Variants in NEO1 observed in about 807,000 individuals in gnomAD.
The protein encoded by NEO1 is neogenin.
A neutral mutation model predicts 159.7 loss-of-function variants in NEO1; 63 were observed. The observed-to-expected ratio is 0.39, with a 90% CI of 0.32 to 0.49. NEO1 has a LOEUF of 0.49. Ranked by LOEUF, NEO1 falls within the 20% of genes least tolerant of loss-of-function variation. NEO1 has a pLI of 0.85. For synonymous variants in NEO1, 633 were observed against 662.0 expected, an observed-to-expected ratio of 0.96 and a Z score of 0.67; for missense variants, 1,615 against 1,831.0, an observed-to-expected ratio of 0.88 and a Z score of 2.15.
rs1388758303 is a variant in NEO1, at chr15:73,122,623, G to T, written c.547G>T (p.Val183Leu). The stretch of plus-strand genomic sequence containing the variant: ...AGTTAATGCAGATTTGGTCCCATTT[G>T]TGAGGTGGGAACAGAACAGACAACC... ...CEVNADLVPFVRWEQNRQPLL... is the reference protein window; with the variant it reads ...CEVNADLVPFLRWEQNRQPLL... Residue 183 changes from valine to leucine, a missense_variant, in exon 3 of 29, where the codon GTG becomes TTG. Physicochemically the swap from Val to Leu is conservative, Grantham distance 32. Transcript: ENST00000261908. 6 of 1,614,190 alleles carry T rather than the reference G, an allele frequency of 3.7e-6. No homozygotes were observed.
intron 1 of NEO1, among the ~76,000 whole-genome samples, chr15:73,096,539 A>G (rs1410535381): frequency 6.6e-6 from 1 of 152,222 alleles, no homozygotes; most frequent in Non-Finnish European, 1.5e-5. Context: ...TGGCCAAGGC[A>G]TATTGCTTAT....
At chr15:73,130,876 G>T (rs2031026738) in intron 4 of NEO1, among the ~76,000 whole-genome samples, 2 of 152,332 alleles carry the variant, frequency 1.3e-5, no homozygotes, top group East Asian at 3.9e-4. Context: ...GACCATGTGG[G>T]GGAACAATAA....
chr15:73,185,998 C>T (rs1254689764), intron 7 of NEO1, among the ~76,000 whole-genome samples: 1 of 151,642 alleles, frequency 6.6e-6, no homozygotes, highest in Non-Finnish European at 1.5e-5. Context: ...AAACTAAATA[C>T]CATGATGATG....
chr15:73,180,546 G>A (rs1479340), intron 7 of NEO1, among the ~76,000 whole-genome samples: 54,493 of 151,848 alleles, frequency 0.36, 10,560 homozygotes, highest in Admixed American at 0.47. Context: ...AGTAAACCTC[G>A]TAGCTATTTG....
chr15:73,069,519 G>A (rs910755833), intron 1 of NEO1, among the ~76,000 whole-genome samples: 7 of 151,512 alleles, frequency 4.6e-5, no homozygotes, highest in African/African-American at 1.7e-4. Flanking sequence ...ATTGATAATA[G>A]TTTTTATATC....
chr15:73,087,593 T>C lies in NEO1; in HGVS notation c.131-28947T>C, dbSNP rs555613519. Among the ~76,000 whole-genome samples, 21 of 152,292 alleles carry C rather than the reference T, an allele frequency of 1.4e-4. No homozygotes were observed. In the South Asian group the frequency reaches 4.1e-3, roughly 30 times the overall value. The stretch of plus-strand genomic sequence containing the variant: ...GAATGTTATTTCTTCTTTAACTGTT[T>C]AGTAGAATTTAATACTGAGATGAAA... On this transcript the variant is annotated intron_variant, in intron 1 of 28. Transcript: ENST00000261908.
At chr15:73,263,529 AATATTT>A (rs1345430201) in intron 15 of NEO1, among the ~76,000 whole-genome samples, 3 of 151,980 alleles carry the variant, frequency 2.0e-5, no homozygotes, top group Non-Finnish European at 4.4e-5. Flanking sequence ...GAATTTGAGA[AATATTT>A]ATATTTTATA....
At chr15:73,175,771 T>C (rs548223084) in intron 5 of NEO1, among the ~76,000 whole-genome samples, 1 of 152,334 alleles carries the variant, frequency 6.6e-6, no homozygotes, top group East Asian at 1.9e-4. Context: ...ATTAAAAATA[T>C]TATGATCTAT....
chr15:73,275,481 C>G (rs2041368977), intron 21 of NEO1, among the ~76,000 whole-genome samples: 1 of 151,954 alleles, frequency 6.6e-6, no homozygotes, highest in African/African-American at 2.4e-5. Context: ...GAGACCCCCT[C>G]TCTACAAAAA....
chr15:73,139,586 A>G (rs917978819), intron 5 of NEO1, among the ~76,000 whole-genome samples: 37 of 152,236 alleles, frequency 2.4e-4, no homozygotes, highest in African/African-American at 8.0e-4. Flanking sequence ...AGAGATCTTT[A>G]TCTAGACCCG....
At chr15:73,095,588 A>C (rs2069973888) in intron 1 of NEO1, among the ~76,000 whole-genome samples, 1 of 152,046 alleles carries the variant, frequency 6.6e-6, no homozygotes, top group South Asian at 2.1e-4. Flanking sequence ...AAAGATGTTT[A>C]ATTTTTTTCC....
chr15:73,217,604 A>T (rs1372413133), intron 7 of NEO1, among the ~76,000 whole-genome samples: 1 of 152,190 alleles, frequency 6.6e-6, no homozygotes, highest in African/African-American at 2.4e-5. Context: ...CTTCTATTTC[A>T]TTGAGCAGTG....
At chr15:73,296,923 C>T (rs545763197) in intron 26 of NEO1, among the ~76,000 whole-genome samples, 69 of 152,292 alleles carry the variant, frequency 4.5e-4, no homozygotes, top group South Asian at 1.0e-3. Flanking sequence ...AATTTTTGGA[C>T]AGCAGTTGGC....
rs1567534675 is a variant in NEO1, at chr15:73,225,458, C to T, written c.1292-10889C>T. On this transcript the variant is annotated intron_variant, in intron 7 of 28. Coordinates refer to ENST00000261908, the MANE Select transcript of NEO1 (RefSeq NM_002499.4). Reference sequence around the variant, plus strand: ...GCTAGATGGTGTCTGAGCTCAGACTCTCCTTGGGCGCGTCTCCCTGCGGCT... The same window carrying T: ...GCTAGATGGTGTCTGAGCTCAGACTTTCCTTGGGCGCGTCTCCCTGCGGCT... Among the ~76,000 whole-genome samples the T allele has an allele frequency of 2.6e-5, 4 of 152,158 alleles. No individual in the cohort carries two copies. In the East Asian group the frequency reaches 5.8e-4, roughly 22 times the overall value.
At chr15:73,106,813 A>C (rs762622310) in intron 1 of NEO1, among the ~76,000 whole-genome samples, 1 of 152,188 alleles carries the variant, frequency 6.6e-6, no homozygotes, top group East Asian at 1.9e-4. Context: ...AAAGCACTGA[A>C]TCCATCTCTG....
At chr15:73,062,655 A>G (rs1188625696) in intron 1 of NEO1, among the ~76,000 whole-genome samples, 2 of 152,230 alleles carry the variant, frequency 1.3e-5, no homozygotes, top group African/African-American at 4.8e-5. Flanking sequence ...AGACAGAAAG[A>G]ACAATTTTGG....
At chr15:73,290,553 ACAT>A (rs2042127484) in intron 25 of NEO1, among the ~76,000 whole-genome samples, 1 of 152,094 alleles carries the variant, frequency 6.6e-6, no homozygotes, top group African/African-American at 2.4e-5. Context: ...TTTTTAAACA[ACAT>A]TTTTCATTCT....
At chr15:73,251,089 A>G (rs1030092951) in intron 11 of NEO1, among the ~76,000 whole-genome samples, 14 of 152,236 alleles carry the variant, frequency 9.2e-5, no homozygotes, top group African/African-American at 3.4e-4. Flanking sequence ...ATCTGTATAC[A>G]TATACATAAT....
At position 73,249,601 on chromosome 15, in the gene NEO1, C is replaced by A; in HGVS notation, c.1774C>A (p.His592Asn). The A allele has an allele frequency of 6.2e-7, 1 of 1,601,822 alleles. No individual in the cohort carries two copies. Among genetic ancestry groups the A allele is most frequent in the East Asian group, 2.2e-5 (1 of 44,786 alleles). The change falls in exon 11 of 29, where the codon CAC (histidine) becomes AAC (asparagine). Residue 592 changes from histidine to asparagine, a missense_variant. By Grantham distance (68) the His-to-Asn change is moderately conservative. Transcript: ENST00000261908. ...ATTCAAGGATGTTGATGTTTCAAGT[C>A]ACTCTTACACCATTAATGGGTTGAA... The part of the protein sequence containing the change: ...DKEQDVDVSS[H>N]SYTINGLKKY...
Sources: gnomAD v4.1 joint callset for allele counts (sites outside exome capture counted in the v4.1 genomes callset) on GRCh38, gnomAD v4.1.1 for gene constraint, MANE v1.5 for transcripts, NCBI Gene and HGNC (gene_info 2026-07-23, HGNC 2026-07-21) for gene names.